SRPK2: variants seen among roughly 807,000 people sequenced by gnomAD.
SRPK2 encodes SFRS protein kinase 2.
SRPK2 carries 21 observed loss-of-function variants against 90.8 expected under a neutral mutation model. The observed-to-expected ratio is 0.23, with a 90% CI of 0.16 to 0.33. The LOEUF (loss-of-function observed/expected upper bound fraction) is 0.33, where lower values mean the gene tolerates loss of function less well. Among genes scored for constraint, SRPK2 ranks in the 10% least tolerant of loss-of-function variants. The probability of loss-of-function intolerance (pLI) is 1.00; values close to 1 mark genes in which losing one functional copy is unlikely to be tolerated. For synonymous variants in SRPK2, 288 were observed against 311.1 expected, an observed-to-expected ratio of 0.93 and a Z score of 0.78; for missense variants, 620 against 869.0, an observed-to-expected ratio of 0.71 and a Z score of 3.60.
intron 2 of SRPK2, among the ~76,000 whole-genome samples, chr7:105,235,679 A>G (rs573026872): frequency 2.0e-5 from 3 of 152,354 alleles, no homozygotes; most frequent in African/African-American, 7.2e-5. Context: ...GAAACATTCA[A>G]CATTTGAAAC....
intron 15 of SRPK2, chr7:105,125,843 C>G (rs1204043881): frequency 3.9e-6 from 5 of 1,298,638 alleles, no homozygotes; most frequent in Admixed American, 2.3e-5. Flanking sequence ...GAGGGACTTT[C>G]CCCAGCAGTT....
At chr7:105,358,927 C>A (rs946360910) in intron 2 of SRPK2, among the ~76,000 whole-genome samples, 4 of 148,370 alleles carry the variant, frequency 2.7e-5, no homozygotes, top group Middle Eastern at 3.2e-3. Flanking sequence ...GCTAAGAACA[C>A]AGAGAGAGAG....
chr7:105,235,992 A>C (rs1440566612), intron 2 of SRPK2, among the ~76,000 whole-genome samples: 1 of 152,236 alleles, frequency 6.6e-6, no homozygotes, highest in Non-Finnish European at 1.5e-5. Flanking sequence ...AAAGGAAAGA[A>C]ACTTGAAATA....
intron 2 of SRPK2, among the ~76,000 whole-genome samples, chr7:105,254,203 C>T (rs1215875536): frequency 1.3e-5 from 2 of 152,118 alleles, no homozygotes; most frequent in African/African-American, 4.8e-5. Flanking sequence ...CAGAAAGTAC[C>T]ACAATAATAC....
chr7:105,281,629 C>T (rs543229354), intron 2 of SRPK2, among the ~76,000 whole-genome samples: 4 of 150,436 alleles, frequency 2.7e-5, no homozygotes, highest in East Asian at 3.9e-4. Context: ...AGTCACTGCA[C>T]TCCACCCTCA....
intron 2 of SRPK2, among the ~76,000 whole-genome samples, chr7:105,371,763 G>A (rs189429985): frequency 6.6e-6 from 1 of 152,098 alleles, no homozygotes; most frequent in Non-Finnish European, 1.5e-5. Context: ...TTTAGACTGT[G>A]GGAAATATGA....
intron 6 of SRPK2, among the ~76,000 whole-genome samples, chr7:105,162,448 T>C (rs1807820240): frequency 1.3e-5 from 2 of 152,224 alleles, no homozygotes; most frequent in Non-Finnish European, 2.9e-5. Flanking sequence ...CAAATGGCTC[T>C]GAAACCCTTT....
chr7:105,143,547 G>C, intron 9 of SRPK2: 1 of 596,818 alleles, frequency 1.7e-6, no homozygotes, highest in Non-Finnish European at 2.9e-6. Flanking sequence ...CTACTACCAG[G>C]TCCTGCCCTC....
intron 3 of SRPK2, among the ~76,000 whole-genome samples, chr7:105,190,143 T>C (rs1794098799): frequency 6.6e-6 from 1 of 152,200 alleles, no homozygotes; most frequent in Non-Finnish European, 1.5e-5. Flanking sequence ...CCGGTCTGGA[T>C]CCTGCGCTCC....
intron 2 of SRPK2, among the ~76,000 whole-genome samples, chr7:105,316,183 C>T (rs1278927865): frequency 1.3e-5 from 2 of 152,082 alleles, no homozygotes; most frequent in East Asian, 3.8e-4. Context: ...CGCCATGATG[C>T]CCAGATAATT....
chr7:105,336,497 G>T (rs923758167), intron 2 of SRPK2, among the ~76,000 whole-genome samples: 5 of 152,014 alleles, frequency 3.3e-5, no homozygotes, highest in African/African-American at 9.7e-5. Context: ...GAGTTATATA[G>T]AATTTAGGGT....
chr7:105,397,549 C>T (rs1291360802), intron 1 of SRPK2, among the ~76,000 whole-genome samples: 3 of 150,974 alleles, frequency 2.0e-5, no homozygotes, highest in African/African-American at 4.9e-5. Context: ...AGGCTGGTCT[C>T]GAACTCCTCA....
intron 2 of SRPK2, chr7:105,268,727 C>T (rs972820101): frequency 2.0e-6 from 3 of 1,505,684 alleles, no homozygotes; most frequent in Non-Finnish European, 2.7e-6. Context: ...GCAAACTTGA[C>T]AAGAAAAAAA....
intron 2 of SRPK2, among the ~76,000 whole-genome samples, chr7:105,344,951 C>T (rs186363325): frequency 2.6e-4 from 39 of 151,892 alleles, no homozygotes; most frequent in Admixed American, 2.3e-3. Flanking sequence ...GCCTGGCCAA[C>T]ATGGTGAAAC....
rs546339354 is a variant in SRPK2 at position 105,153,535 on chromosome 7, G to C, written c.622-6877C>G. Among the ~76,000 whole-genome samples the C allele has an allele frequency of 2.6e-5, 4 of 152,246 alleles. No homozygotes were observed. The South Asian group carries it at 8.3e-4, about 32-fold the overall frequency. ...TCGGGGAACAGTCAAGCATAATGTG[G>C]AGACTCCTCTAAAGACTGTCTCCCT... On this transcript the variant is annotated intron_variant, in intron 7 of 15. Transcript: ENST00000393651.
chr7:105,163,663 T>G (rs1240170670), intron 6 of SRPK2, among the ~76,000 whole-genome samples: 3 of 151,966 alleles, frequency 2.0e-5, no homozygotes, highest in Non-Finnish European at 4.4e-5. Context: ...AATACAAAAT[T>G]AGCTGGGCGT....
intron 2 of SRPK2, among the ~76,000 whole-genome samples, chr7:105,338,716 T>C (rs1227117230): frequency 6.6e-6 from 1 of 152,196 alleles, no homozygotes; most frequent in African/African-American, 2.4e-5. Context: ...TTGAATCCTG[T>C]TGTAAATAGG....
intron 2 of SRPK2, among the ~76,000 whole-genome samples, chr7:105,269,823 T>C (rs1805592621): frequency 2.0e-5 from 3 of 152,244 alleles, no homozygotes; most frequent in Non-Finnish European, 4.4e-5. Context: ...ATTTCATGTG[T>C]AAAGCTGTTT....
At chr7:105,323,916 TG>T (rs1157608726) in intron 2 of SRPK2, among the ~76,000 whole-genome samples, 5 of 152,004 alleles carry the variant, frequency 3.3e-5, no homozygotes, top group Non-Finnish European at 7.4e-5. Flanking sequence ...AATAAATTTT[TG>T]GAAGGATTCA....
Sources: gnomAD v4.1 joint callset for allele counts (sites outside exome capture counted in the v4.1 genomes callset) on GRCh38, gnomAD v4.1.1 for gene constraint, MANE v1.5 for transcripts, NCBI Gene and HGNC (gene_info 2026-07-23, HGNC 2026-07-21) for gene names.